The following MDN1 variants were observed in gnomAD, a reference collection of about 807,000 sequenced individuals.
MDN1 encodes the protein midasin AAA ATPase 1.
In MDN1, 266 loss-of-function variants were observed where a neutral mutation model predicts 669.2. The ratio of observed to expected loss-of-function variants is 0.40; its 90% confidence interval spans 0.36 to 0.44. The LOEUF (loss-of-function observed/expected upper bound fraction) is 0.44, where lower values mean the gene tolerates loss of function less well. MDN1 is among the 20% of genes least tolerant of loss of function. MDN1 has a pLI of 1.00. For synonymous variants in MDN1, 2,385 were observed against 2,457.1 expected, an observed-to-expected ratio of 0.97 and a Z score of 0.87; for missense variants, 5,940 against 6,754.0, an observed-to-expected ratio of 0.88 and a Z score of 4.22.
chr6:89,716,608 C>G (rs1364147481), intron 44 of MDN1, 42 bp downstream of exon 44: 1 of 1,563,770 alleles, frequency 6.4e-7, no homozygotes, highest in Admixed American at 2.0e-5. Context: ...AAGCATATCC[C>G]AAATTTCAAG....
At chr6:89,785,587 T>C (rs1316321009) in intron 8 of MDN1, among the ~76,000 whole-genome samples, 1 of 152,162 alleles carries the variant, frequency 6.6e-6, no homozygotes, top group East Asian at 1.9e-4. Context: ...ACATACACTC[T>C]GGGGAAGGTA....
rs554760802 is a variant in MDN1, at chr6:89,714,889, A to G, written c.6861-138T>C. The G allele has an allele frequency of 7.2e-6, 5 of 697,308 alleles. No homozygotes were observed. The South Asian group carries it at 9.6e-5, about 13-fold the overall frequency. The allele number at this position is 697,308 out of a possible 1,614,324, so 43.2% of individuals were successfully genotyped here. A position where few individuals can be genotyped will look rare whatever the true frequency, so the allele number is the denominator to read the frequency against. ...TTCACACCAAGGATCTTTTACTTCT[A>G]GCATGCATCAATATAGCAAAAGATT... On this transcript the variant is annotated intron_variant, in intron 45 of 101. Transcript: ENST00000369393.
At chr6:89,722,439 G>A (rs1814894321) in intron 40 of MDN1, among the ~76,000 whole-genome samples, 1 of 152,324 alleles carries the variant, frequency 6.6e-6, no homozygotes. Context: ...TGATCATGGG[G>A]ATTTGGATAG....
At chr6:89,737,869 G>A (rs931361389) in intron 33 of MDN1, among the ~76,000 whole-genome samples, 4 of 151,844 alleles carry the variant, frequency 2.6e-5, no homozygotes, top group Admixed American at 1.3e-4. Flanking sequence ...GATTACAGGT[G>A]CCCACCACCA....
intron 58 of MDN1, 119 bp downstream of exon 58, chr6:89,699,482 A>T (rs1434766039): frequency 8.3e-7 from 1 of 1,207,156 alleles, no homozygotes; most frequent in South Asian, 1.9e-5. Flanking sequence ...ATTCAAAAAA[A>T]CCTGAGGTTT....
Position 89,664,621 on chromosome 6 carries a change from T to C in MDN1, c.14102A>G (p.Asp4701Gly). ...TTTTTCTTGACCCTTCTGAAATGTA[T>C]CTTCCACCTACATAAAGAAGTATTA... is the stretch of plus-strand genomic sequence containing the variant. ...DQIGNEEQVE[D>G]TFQKGQEKDK... is the part of the protein sequence containing the mutation. Residue 4701 changes from aspartate (D) to glycine (G), a missense_variant, in exon 85 of 102, where the codon GAT (aspartate) becomes GGT (glycine). By Grantham distance (94) the Asp-to-Gly change is moderately conservative. Coordinates refer to ENST00000369393, the MANE Select transcript of MDN1 (RefSeq NM_014611.3). The C allele has an allele frequency of 3.7e-6, 6 of 1,607,392 alleles. No individual in the cohort carries two copies. The highest frequency in any genetic ancestry group is 5.1e-6 in the Non-Finnish European group (6 of 1,175,564).
intron 6 of MDN1, 102 bp from the exon 7 acceptor site, chr6:89,790,013 G>A (rs539890731): frequency 2.5e-6 from 4 of 1,580,380 alleles, no homozygotes; most frequent in South Asian, 2.3e-5. Context: ...GTGTAAGTAA[G>A]TAGGCACTTG....
chr6:89,646,675 G>A, intron 99 of MDN1, 72 bp from the exon 100 acceptor site: 2 of 1,325,554 alleles, frequency 1.5e-6, no homozygotes, highest in South Asian at 2.4e-5. Context: ...GAGACTGATA[G>A]TATTTCTGAC....
At chr6:89,752,257 G>C (rs1262603780) in intron 22 of MDN1, among the ~76,000 whole-genome samples, 2 of 152,162 alleles carry the variant, frequency 1.3e-5, no homozygotes, top group Non-Finnish European at 2.9e-5. Flanking sequence ...GCAATAGGGG[G>C]AGGGGAGGAA....
chr6:89,678,382 C>T (rs1811375826), intron 75 of MDN1, among the ~76,000 whole-genome samples: 1 of 152,040 alleles, frequency 6.6e-6, no homozygotes. Flanking sequence ...TTCCGAGAAA[C>T]CTCATACAAA....
At chr6:89,668,269 T>C in intron 83 of MDN1, 118 bp from the exon 84 acceptor site, 10 of 1,265,012 alleles carry the variant, frequency 7.9e-6, no homozygotes, top group Middle Eastern at 2.0e-4. Context: ...TCTAGCTCAT[T>C]ATCTTAAATC....
rs563243806 is a variant in MDN1, at chr6:89,692,328, C to T, written c.10587+115G>A. 1.1e-4 allele frequency: 98 copies of T among 883,744 alleles called. No homozygotes were observed. In the African/African-American group the frequency reaches 1.2e-3, roughly 11 times the overall value. The allele number at this position is 883,744 out of a possible 1,614,324, so 54.7% of individuals were successfully genotyped here. On this transcript the variant is annotated intron_variant, in intron 63 of 101. Coordinates refer to ENST00000369393, the MANE Select transcript of MDN1 (RefSeq NM_014611.3). ...GAAGGAACAGAAAACAAAATGCCCA[C>T]GCCCCAACGACACTGTGTATCTACT...
intron 15 of MDN1, among the ~76,000 whole-genome samples, chr6:89,770,681 T>C (rs537491221): frequency 6.6e-5 from 10 of 152,152 alleles, no homozygotes; most frequent in African/African-American, 2.4e-4. Flanking sequence ...TTCGTATTTA[T>C]TGGTAGAGAT....
At chr6:89,683,072 A>C in intron 73 of MDN1, 60 bp downstream of exon 73, 1 of 1,560,162 alleles carries the variant, frequency 6.4e-7, no homozygotes, top group East Asian at 2.2e-5. Context: ...CTTGCACATA[A>C]AACACAGATC....
At chr6:89,697,900 A>G (rs1236702882) in intron 59 of MDN1, among the ~76,000 whole-genome samples, 2 of 152,176 alleles carry the variant, frequency 1.3e-5, no homozygotes, top group African/African-American at 4.8e-5. Flanking sequence ...TTTTTTTAAA[A>G]AAAAGCACAA....
At chr6:89,732,813 G>A (rs763641718) in intron 33 of MDN1, 38 bp from the exon 34 acceptor site, 5 of 1,589,890 alleles carry the variant, frequency 3.1e-6, no homozygotes, top group South Asian at 1.1e-5. Context: ...TGCTGTTAAC[G>A]GGAGATCCCA....
In MDN1 at chr6:89,674,110, T is replaced by G. The variant is rs752587511; in HGVS notation, c.13241A>C (p.His4414Pro). 6.2e-7 allele frequency: 1 copy of G among 1,613,866 alleles called. No individual in the cohort carries two copies. The highest frequency in any genetic ancestry group is 1.1e-5 in the South Asian group (1 of 91,080). ...IRQQSCETLF[H>P]SWKDFEVCSS... ...AAGACATAGACACACTTACCAAGAA[T>G]GAAAGAGAGTCTCACAAGACTGCTG... The change falls in exon 79 of 102, where the codon CAT (histidine) becomes CCT (proline). Residue 4414 changes from histidine to proline, a missense_variant. Around this residue, in one of 5 missense-constraint regions of MDN1, gnomAD observed 2,280 missense variants for 2,576.3 expected, o/e 0.88. Transcript: ENST00000369393.
intron 2 of MDN1, among the ~76,000 whole-genome samples, chr6:89,796,975 G>A (rs1436744504): frequency 6.6e-6 from 1 of 152,126 alleles, no homozygotes; most frequent in Admixed American, 6.6e-5. Context: ...GGCTGAGGCA[G>A]AAGAATCGCT....
chr6:89,687,117 C>T, intron 68 of MDN1, 94 bp from the exon 69 acceptor site: 1 of 1,547,004 alleles, frequency 6.5e-7, no homozygotes, highest in Non-Finnish European at 8.7e-7. Context: ...CATTTCTCTC[C>T]TCCCAAATGG....
Sources: allele counts gnomAD v4.1 joint callset (sites outside exome capture counted in the v4.1 genomes callset), GRCh38; gene constraint gnomAD v4.1.1; regional missense constraint gnomAD v4.1.1; transcripts MANE v1.5; gene names NCBI Gene and HGNC (gene_info 2026-07-23, HGNC 2026-07-21).